The following VPS50 variants were observed in gnomAD, a reference collection of about 807,000 sequenced individuals.
VPS50 encodes the protein VPS50 subunit of EARP/GARPII complex, also known as syndetin.
A neutral mutation model predicts 139.7 loss-of-function variants in VPS50; 70 were observed. The observed-to-expected ratio is 0.50, with a 90% CI of 0.41 to 0.61. VPS50 has a LOEUF of 0.61. Ranked by LOEUF, VPS50 falls within the 20% of genes least tolerant of loss-of-function variation. The pLI is 0.00. For missense variants in VPS50, 921 were observed against 1,133.7 expected (o/e 0.81, Z 2.69); for synonymous variants, 365 against 376.7 (o/e 0.97, Z 0.36).
At chr7:93,321,500 A>T (rs558197334) in intron 20 of VPS50, among the ~76,000 whole-genome samples, 1 of 152,266 alleles carries the variant, frequency 6.6e-6, no homozygotes, top group East Asian at 1.9e-4. Flanking sequence ...TCTTCCATGT[A>T]TGACTTTTAA....
chr7:93,286,596 T>G (rs1342962025), intron 12 of VPS50, among the ~76,000 whole-genome samples: 1 of 152,248 alleles, frequency 6.6e-6, no homozygotes, highest in East Asian at 1.9e-4. Context: ...TCTCTTTCCA[T>G]TATGCTCTGC....
chr7:93,294,571 GA>G lies in VPS50; in HGVS notation c.1105del (p.Thr369LeufsTer8). On this transcript the variant is annotated frameshift_variant, in exon 14 of 28. Coordinates refer to ENST00000305866, the MANE Select transcript of VPS50 (RefSeq NM_017667.4). LOFTEE classifies it high-confidence loss of function. ...AGGGAGTAATATGATAGGTACTGAA[GA>G]AACTAATTTTGATCGTGGCTACATA... ...SEGSNMIGTEETNFDRGYIKK... is the reference protein window; with the variant it reads ...SEGSNMIGTEXTNFDRGYIKK... 6.3e-7 allele frequency: 1 copy of G among 1,595,844 alleles called. No homozygotes were observed. The highest frequency in any genetic ancestry group is 8.5e-7 in the Non-Finnish European group (1 of 1,172,204).
At chr7:93,233,916 T>C (rs767715458) in intron 1 of VPS50, among the ~76,000 whole-genome samples, 3 of 152,268 alleles carry the variant, frequency 2.0e-5, no homozygotes, top group Non-Finnish European at 2.9e-5. Flanking sequence ...CTGGGCATTA[T>C]CAAGGAAGTG....
chr7:93,300,919 TTAA>T (rs1487330497), intron 16 of VPS50, among the ~76,000 whole-genome samples: 1 of 152,128 alleles, frequency 6.6e-6, no homozygotes, highest in Non-Finnish European at 1.5e-5. Flanking sequence ...TTTAAACCTA[TTAA>T]TAATTATGCC....
intron 8 of VPS50, 70 bp from the exon 9 acceptor site, chr7:93,259,480 A>AT (rs571408077): frequency 7.2e-4 from 566 of 782,554 alleles, no homozygotes; most frequent in Middle Eastern, 1.4e-3. Context: ...ATGAACAGAG[A>AT]TTTTTTTTTA....
intron 23 of VPS50, among the ~76,000 whole-genome samples, chr7:93,342,448 T>A (rs1271801889): frequency 6.6e-6 from 1 of 152,144 alleles, no homozygotes; most frequent in Non-Finnish European, 1.5e-5. Flanking sequence ...CAAAGCAGCC[T>A]GGAAGCTCGA....
At chr7:93,294,091 CTA>C (rs1796731406) in intron 13 of VPS50, among the ~76,000 whole-genome samples, 1 of 152,184 alleles carries the variant, frequency 6.6e-6, no homozygotes. Context: ...GTGGATAAAA[CTA>C]TTATTTATCA....
rs749990873 is a variant in VPS50, at chr7:93,251,565, T to C, written c.103-1088T>C. Among the ~76,000 whole-genome samples, 97 of 152,138 alleles carry C rather than the reference T, an allele frequency of 6.4e-4. 1 individual carries two copies. The highest frequency in any genetic ancestry group is 1.2e-3 in the Non-Finnish European group (82 of 67,982). Reference sequence around the variant, plus strand: ...ATAGCATTAGGAGAAATACCTAATGTAGATGATGAGTTGATGGGTGCAGCA... The same window carrying C: ...ATAGCATTAGGAGAAATACCTAATGCAGATGATGAGTTGATGGGTGCAGCA... On this transcript the variant is annotated intron_variant, in intron 2 of 27. Coordinates refer to ENST00000305866, the MANE Select transcript of VPS50 (RefSeq NM_017667.4).
chr7:93,317,207 G>A (rs1797453871), intron 20 of VPS50, among the ~76,000 whole-genome samples: 2 of 152,130 alleles, frequency 1.3e-5, no homozygotes, highest in African/African-American at 4.8e-5. Context: ...TCTAGCCTTT[G>A]ATTTTTAAAT....
intron 11 of VPS50, among the ~76,000 whole-genome samples, chr7:93,274,853 A>G (rs186127430): frequency 2.6e-5 from 4 of 152,300 alleles, no homozygotes; most frequent in Non-Finnish European, 5.9e-5. Flanking sequence ...AGGAAAGTCA[A>G]TTGAAAACCT....
chr7:93,336,739 T>G (rs1798079316), intron 22 of VPS50, among the ~76,000 whole-genome samples: 1 of 152,194 alleles, frequency 6.6e-6, no homozygotes, highest in African/African-American at 2.4e-5. Flanking sequence ...CTTGAACTCC[T>G]GACCTCAGGT....
intron 23 of VPS50, among the ~76,000 whole-genome samples, chr7:93,345,384 A>C (rs1027233898): frequency 6.6e-6 from 1 of 152,156 alleles, no homozygotes; most frequent in Non-Finnish European, 1.5e-5. Context: ...ATTCACAGCC[A>C]AATTCTACCA....
At chr7:93,328,304 A>G (rs1327897610) in intron 21 of VPS50, among the ~76,000 whole-genome samples, 3 of 152,182 alleles carry the variant, frequency 2.0e-5, no homozygotes, top group African/African-American at 7.2e-5. Context: ...TGGCATATGG[A>G]TTGATCTAAT....
At position 93,308,941 on chromosome 7, in the gene VPS50, A is replaced by C. The variant is rs1386682309; in HGVS notation, c.1747A>C (p.Ser583Arg). 6.8e-7 allele frequency: 1 copy of C among 1,478,480 alleles called. No homozygotes were observed. Among genetic ancestry groups the C allele is most frequent in the Non-Finnish European group, 9.4e-7 (1 of 1,058,236 alleles). The allele number at this position is 1,478,480 out of a possible 1,614,324, so 91.6% of individuals were successfully genotyped here. Residue 583 changes from serine to arginine, a missense_variant and splice_region_variant, in exon 19 of 28, where the codon AGT becomes CGT. By Grantham distance (110) the Ser-to-Arg change is moderately radical (BLOSUM62 -1). Coordinates refer to ENST00000305866, the MANE Select transcript of VPS50 (RefSeq NM_017667.4). The part of the protein sequence containing the change: ...DEQTGDGPVK[S>R]VSRETLKSRK... ...GCAGACAGGAGATGGTCCTGTGAAA[A>C]GGTGATTGTTCTTAAATTGTGTGGT...
chr7:93,246,146 C>A, intron 2 of VPS50: 1 of 1,424,606 alleles, frequency 7.0e-7, no homozygotes, highest in South Asian at 1.2e-5. Context: ...TTATAGCTTC[C>A]GTTTTCCCTA....
At chr7:93,236,067 C>G (rs1794792306) in intron 1 of VPS50, among the ~76,000 whole-genome samples, 1 of 152,064 alleles carries the variant, frequency 6.6e-6, no homozygotes, top group Non-Finnish European at 1.5e-5. Flanking sequence ...AGCAGATGCT[C>G]AATAAATATT....
At chr7:93,351,419 T>C (rs746052637) in intron 25 of VPS50, among the ~76,000 whole-genome samples, 3 of 152,180 alleles carry the variant, frequency 2.0e-5, no homozygotes, top group Non-Finnish European at 4.4e-5. Context: ...TATGACATGC[T>C]GTCTTAGTCC....
intron 23 of VPS50, among the ~76,000 whole-genome samples, 156 bp downstream of exon 23, chr7:93,341,731 A>G (rs930644361): frequency 6.6e-6 from 1 of 152,244 alleles, no homozygotes; most frequent in Admixed American, 6.5e-5. Context: ...CAGATTACCA[A>G]TTGATTTTTT....
At chr7:93,287,887 T>A (rs1330588136) in intron 12 of VPS50, among the ~76,000 whole-genome samples, 2 of 152,122 alleles carry the variant, frequency 1.3e-5, no homozygotes, top group Non-Finnish European at 2.9e-5. Context: ...ATGTCAGGTA[T>A]AATTTTGTGC....
Sources: allele counts gnomAD v4.1 joint callset (sites outside exome capture counted in the v4.1 genomes callset), GRCh38; gene constraint gnomAD v4.1.1; transcripts MANE v1.5; gene names NCBI Gene and HGNC (gene_info 2026-07-23, HGNC 2026-07-21).